PLPPR1: variants seen among roughly 807,000 people sequenced by gnomAD.
PLPPR1 encodes the protein phospholipid phosphatase-related protein type 1.
PLPPR1 carries 10 observed loss-of-function variants against 33.1 expected under a neutral mutation model. That is an observed-to-expected ratio of 0.30 (90% confidence interval 0.19 to 0.51). The LOEUF is 0.51. Among genes scored for constraint, PLPPR1 ranks in the 20% least tolerant of loss-of-function variants. The pLI is 0.97. For missense variants in PLPPR1, 304 were observed against 408.1 expected (o/e 0.74, Z 2.20); for synonymous variants, 151 against 151.0 (o/e 1.00, Z 0.00).
At chr9:101,303,560 C>A (rs1402617544) in intron 4 of PLPPR1, among the ~76,000 whole-genome samples, 1 of 152,126 alleles carries the variant, frequency 6.6e-6, no homozygotes, top group East Asian at 1.9e-4. Flanking sequence ...CTCGGCCTCC[C>A]AAAGTGCTGA....
intron 1 of PLPPR1, among the ~76,000 whole-genome samples, chr9:101,114,246 T>G (rs1831093090): frequency 6.6e-6 from 1 of 152,218 alleles, no homozygotes; most frequent in Non-Finnish European, 1.5e-5. Flanking sequence ...ACAACACCCT[T>G]GTGACCAGGG....
intron 2 of PLPPR1, among the ~76,000 whole-genome samples, chr9:101,241,516 C>A (rs1827464517): frequency 6.6e-6 from 1 of 152,100 alleles, no homozygotes; most frequent in South Asian, 2.1e-4. Context: ...CCACATGCAG[C>A]CTATGGGCTG....
chr9:101,301,800 ACATAT>A (rs1235706340), intron 4 of PLPPR1, among the ~76,000 whole-genome samples: 1 of 152,236 alleles, frequency 6.6e-6, no homozygotes, highest in Non-Finnish European at 1.5e-5. Flanking sequence ...TCAAATGATG[ACATAT>A]CATAGATATT....
intron 3 of PLPPR1, among the ~76,000 whole-genome samples, chr9:101,272,475 G>A (rs2118898232): frequency 6.6e-6 from 1 of 152,268 alleles, no homozygotes; most frequent in Non-Finnish European, 1.5e-5. Flanking sequence ...TAGCAGTGTT[G>A]ATGCAAGCAT....
At chr9:101,243,018 A>G (rs985835818) in intron 2 of PLPPR1, among the ~76,000 whole-genome samples, 3 of 152,112 alleles carry the variant, frequency 2.0e-5, no homozygotes, top group African/African-American at 7.2e-5. Context: ...TTATGCCTCA[A>G]AGAAATTCAT....
At chr9:101,129,841 A>G in intron 1 of PLPPR1, among the ~76,000 whole-genome samples, 1 of 152,336 alleles carries the variant, frequency 6.6e-6, no homozygotes, top group East Asian at 1.9e-4. Context: ...AACAATAAAA[A>G]AATAAATAAA....
chr9:101,174,210 G>C (rs932070534), intron 1 of PLPPR1, among the ~76,000 whole-genome samples: 2 of 152,110 alleles, frequency 1.3e-5, no homozygotes, highest in East Asian at 1.9e-4. Context: ...GGCTCAAAGT[G>C]CAGAATTCTT....
At chr9:101,215,803 G>A (rs898669078) in intron 2 of PLPPR1, among the ~76,000 whole-genome samples, 1 of 149,444 alleles carries the variant, frequency 6.7e-6, no homozygotes, top group Non-Finnish European at 1.5e-5. Context: ...CATGCATGTT[G>A]TTGAAAATCA....
intron 1 of PLPPR1, among the ~76,000 whole-genome samples, chr9:101,076,011 GGA>G (rs1352078004): frequency 6.6e-6 from 1 of 152,144 alleles, no homozygotes; most frequent in African/African-American, 2.4e-5. Flanking sequence ...GGGGCACGCG[GGA>G]GAGTGTCAGA....
At chr9:101,158,081 A>G (rs753375571) in intron 1 of PLPPR1, among the ~76,000 whole-genome samples, 1 of 152,158 alleles carries the variant, frequency 6.6e-6, no homozygotes, top group Non-Finnish European at 1.5e-5. Flanking sequence ...CAGTGTTACA[A>G]ACTACAGTGA....
At chr9:101,116,533 G>A (rs1487114506) in intron 1 of PLPPR1, among the ~76,000 whole-genome samples, 1 of 152,132 alleles carries the variant, frequency 6.6e-6, no homozygotes, top group Non-Finnish European at 1.5e-5. Context: ...GCAGGATAAC[G>A]GCTTGGCGCA....
chr9:101,066,139 G>A (rs558317203), intron 1 of PLPPR1, among the ~76,000 whole-genome samples: 36 of 152,074 alleles, frequency 2.4e-4, no homozygotes, highest in South Asian at 4.2e-4. Context: ...TGACCTTGAC[G>A]GTTTTGAGGA....
rs558091846 is a variant in PLPPR1 at position 101,065,351 on chromosome 9, C to T, written c.-46+36249C>T. Among the ~76,000 whole-genome samples the T allele has an allele frequency of 2.0e-4, 30 of 152,156 alleles. 1 individual carries two copies. In the South Asian group the frequency reaches 5.6e-3, roughly 28 times the overall value. ...TATTATGAGAACCCTGACATTGAAT[C>T]GAGCACTCACTTCCTTTCAAACCTT... On this transcript the variant is annotated intron_variant, in intron 1 of 7. Transcript: ENST00000374874.
chr9:101,294,391 C>A (rs1413608338), intron 4 of PLPPR1, among the ~76,000 whole-genome samples: 2 of 151,972 alleles, frequency 1.3e-5, no homozygotes, highest in South Asian at 4.2e-4. Context: ...GAACTGGTAT[C>A]ATTCCTTCTG....
intron 2 of PLPPR1, among the ~76,000 whole-genome samples, chr9:101,196,770 C>T (rs959192160): frequency 2.6e-5 from 4 of 151,316 alleles, no homozygotes; most frequent in Non-Finnish European, 2.9e-5. Flanking sequence ...GAGGCTGAGG[C>T]GGGAGAATGG....
rs373189652 is a variant in PLPPR1, at chr9:101,312,991, C to A, written c.813+17C>A. 7.4e-6 allele frequency: 12 copies of A among 1,612,848 alleles called. No individual in the cohort carries two copies. The highest frequency in any genetic ancestry group is 9.3e-6 in the Non-Finnish European group (11 of 1,179,060). ...CTGTTTCTGGTAGGTTGACTTCCCT[C>A]TTTTTACCTTTTCCCCCTCTTCTAC... On this transcript the variant is annotated intron_variant, in intron 6 of 7. Transcript: ENST00000374874.
At chr9:101,085,926 C>A (rs542819467) in intron 1 of PLPPR1, among the ~76,000 whole-genome samples, 12 of 152,098 alleles carry the variant, frequency 7.9e-5, no homozygotes, top group Middle Eastern at 3.4e-3. Context: ...TTGCCTTGTT[C>A]CTGATCTTAG....
At chr9:101,070,138 A>G in intron 1 of PLPPR1, among the ~76,000 whole-genome samples, 1 of 152,108 alleles carries the variant, frequency 6.6e-6, no homozygotes. Flanking sequence ...CACTATGCAC[A>G]TTCCTCACTT....
chr9:101,162,052 A>G (rs1433640679), intron 1 of PLPPR1, among the ~76,000 whole-genome samples: 2 of 151,770 alleles, frequency 1.3e-5, no homozygotes, highest in Non-Finnish European at 2.9e-5. Flanking sequence ...TTAGCCAGGT[A>G]GTCACCTGAG....
Sources: gnomAD v4.1 joint callset for allele counts (sites outside exome capture counted in the v4.1 genomes callset) on GRCh38, gnomAD v4.1.1 for gene constraint, MANE v1.5 for transcripts, NCBI Gene and HGNC (gene_info 2026-07-23, HGNC 2026-07-21) for gene names.